The following UBE2U variants were observed in gnomAD, a reference collection of about 807,000 sequenced individuals.
UBE2U encodes the protein ubiquitin-conjugating enzyme E2 U.
Under a neutral mutation model 41.2 loss-of-function variants are expected in UBE2U, and 39 were observed. That is an observed-to-expected ratio of 0.95 (90% CI 0.73 to 1.24). UBE2U has a LOEUF of 1.24. Ranked by LOEUF, UBE2U falls within the 50% of genes most tolerant of loss-of-function variation. The probability of loss-of-function intolerance (pLI) is 0.00; values close to 1 mark genes in which losing one functional copy is unlikely to be tolerated. For synonymous variants in UBE2U, 107 were observed against 117.8 expected, an observed-to-expected ratio of 0.91 and a Z score of 0.60; for missense variants, 336 against 363.1, an observed-to-expected ratio of 0.93 and a Z score of 0.61.
At chr1:64,239,126 GAAGAAGAAGAAGAAGAAGAAGAAGAA>G (rs1644753104) in intron 7 of UBE2U, among the ~76,000 whole-genome samples, 1 of 22,868 alleles carries the variant, frequency 4.4e-5, no homozygotes, top group African/African-American at 2.3e-4. Flanking sequence ...AGAAGAAGAA[GAAGAAGAAGAAGAAGAAGAAGAAGAA>G]GAAGAAAGAA....
intron 3 of UBE2U, among the ~76,000 whole-genome samples, chr1:64,210,450 T>C (rs993600327): frequency 6.6e-6 from 1 of 152,092 alleles, no homozygotes; most frequent in Non-Finnish European, 1.5e-5. Flanking sequence ...AAAAAAAGAC[T>C]CAGAAATTGC....
intron 7 of UBE2U, among the ~76,000 whole-genome samples, chr1:64,234,265 C>T (rs1342135109): frequency 6.6e-6 from 1 of 151,992 alleles, no homozygotes; most frequent in African/African-American, 2.4e-5. Context: ...TCCTTTATTC[C>T]CTCTCTTGGT....
chr1:64,211,921 G>A (rs369186958), intron 4 of UBE2U, among the ~76,000 whole-genome samples: 1 of 151,490 alleles, frequency 6.6e-6, no homozygotes, highest in South Asian at 2.1e-4. Context: ...TAGAATACTT[G>A]GAATATAAAA....
At chr1:64,238,871 A>C (rs901541860) in intron 7 of UBE2U, among the ~76,000 whole-genome samples, 3 of 151,768 alleles carry the variant, frequency 2.0e-5, no homozygotes, top group Non-Finnish European at 4.4e-5. Flanking sequence ...GGGAGACCCC[A>C]TCTCTACGAA....
intron 8 of UBE2U, among the ~76,000 whole-genome samples, chr1:64,244,586 T>G (rs1335223136): frequency 3.3e-5 from 5 of 152,284 alleles, no homozygotes; most frequent in Admixed American, 6.5e-5. Context: ...TTTCCTTCTC[T>G]ACTCCACCTC....
chr1:64,255,546 T>TAGC (rs1222072101), intron 8 of UBE2U, among the ~76,000 whole-genome samples: 1 of 152,116 alleles, frequency 6.6e-6, no homozygotes, highest in Non-Finnish European at 1.5e-5. Flanking sequence ...CAACTGAATC[T>TAGC]AGCAGCACAT....
chr1:64,244,694 T>C (rs1436032715), intron 8 of UBE2U, among the ~76,000 whole-genome samples: 1 of 152,134 alleles, frequency 6.6e-6, no homozygotes, highest in Non-Finnish European at 1.5e-5. Context: ...AGCTCAGGCA[T>C]TCACAGTTAC....
At chr1:64,261,042 T>G (rs1433120413) in intron 9 of UBE2U, among the ~76,000 whole-genome samples, 1 of 152,194 alleles carries the variant, frequency 6.6e-6, no homozygotes, top group Non-Finnish European at 1.5e-5. Context: ...TCATTGTATA[T>G]TCAAAGGTAT....
At chr1:64,250,561 G>A (rs554002582) in intron 8 of UBE2U, among the ~76,000 whole-genome samples, 3 of 152,174 alleles carry the variant, frequency 2.0e-5, no homozygotes, top group East Asian at 1.9e-4. Flanking sequence ...TCCCATTACC[G>A]GGTATATACC....
intron 9 of UBE2U, 63 bp from the exon 10 acceptor site, chr1:64,266,961 C>A: frequency 7.0e-7 from 1 of 1,437,762 alleles, no homozygotes. Flanking sequence ...AGGAACACTT[C>A]TCTTTTTATT....
intron 4 of UBE2U, among the ~76,000 whole-genome samples, chr1:64,212,282 A>AATAGC (rs1479484203): frequency 3.9e-5 from 6 of 152,214 alleles, no homozygotes; most frequent in African/African-American, 1.4e-4. Flanking sequence ...CTGCCCTAAG[A>AATAGC]ATAGCAAAAT....
At chr1:64,239,196 C>A (rs1644787654) in intron 7 of UBE2U, among the ~76,000 whole-genome samples, 1 of 126,922 alleles carries the variant, frequency 7.9e-6, no homozygotes, top group Admixed American at 8.2e-5. Context: ...AGAAGAAAGC[C>A]CCAGACAAGG....
At chr1:64,227,415 G>A (rs747868455) in intron 6 of UBE2U, among the ~76,000 whole-genome samples, 2 of 152,196 alleles carry the variant, frequency 1.3e-5, no homozygotes, top group Non-Finnish European at 1.5e-5. Context: ...AGTGAATTTA[G>A]CAAAGACTCA....
chr1:64,245,733 G>A (rs922967650), intron 8 of UBE2U, among the ~76,000 whole-genome samples: 1 of 152,040 alleles, frequency 6.6e-6, no homozygotes, highest in African/African-American at 2.4e-5. Flanking sequence ...TGTACTCCAA[G>A]TCAGACCACT....
chr1:64,239,193 A>AAGAAGAAGAAGAAGAAGAAG (rs1557731681), intron 7 of UBE2U, among the ~76,000 whole-genome samples: 2 of 134,890 alleles, frequency 1.5e-5, no homozygotes, highest in East Asian at 4.7e-4. Context: ...AGAAGAAGAA[A>AAGAAGAAGAAGAAGAAGAAG]GCCCCAGACA....
Position 64,203,760 on chromosome 1 carries a change from C to A in UBE2U, c.-291C>A. On this transcript the variant is annotated 5_prime_UTR_variant, in exon 1 of 10. Coordinates refer to ENST00000371077, the MANE Select transcript of UBE2U (RefSeq NM_001366232.2). Reference sequence around the variant, plus strand: ...CATGGGCTTGTCTCCGTTACTCATCCAAGTTTGTCTTGAGACTGGGCTGTG... The same window carrying A: ...CATGGGCTTGTCTCCGTTACTCATCAAAGTTTGTCTTGAGACTGGGCTGTG... The A allele has an allele frequency of 6.3e-6, 2 of 317,476 alleles. No homozygotes were observed. Among genetic ancestry groups the A allele is most frequent in the Admixed American group, 4.8e-5 (1 of 20,646 alleles). The allele number at this position is 317,476 out of a possible 1,614,324, so 19.7% of individuals were successfully genotyped here.
chr1:64,243,173 C>A (rs745773375), intron 8 of UBE2U, among the ~76,000 whole-genome samples: 1 of 152,132 alleles, frequency 6.6e-6, no homozygotes, highest in Non-Finnish European at 1.5e-5. Flanking sequence ...ACACCTTATG[C>A]CATCTGGTGG....
intron 9 of UBE2U, among the ~76,000 whole-genome samples, chr1:64,264,206 C>A (rs1000522709): frequency 2.0e-5 from 3 of 152,212 alleles, no homozygotes; most frequent in African/African-American, 7.2e-5. Flanking sequence ...ATTTTAATAT[C>A]TTTATTAGCT....
At chr1:64,229,118 C>T (rs1653104694) in intron 6 of UBE2U, among the ~76,000 whole-genome samples, 1 of 152,050 alleles carries the variant, frequency 6.6e-6, no homozygotes, top group African/African-American at 2.4e-5. Flanking sequence ...CTCAGCTTCC[C>T]AAAGTGCTCA....
Sources: allele counts gnomAD v4.1 joint callset (sites outside exome capture counted in the v4.1 genomes callset), GRCh38; gene constraint gnomAD v4.1.1; transcripts MANE v1.5; gene names NCBI Gene and HGNC (gene_info 2026-07-23, HGNC 2026-07-21).